Variants in SIPA1L3 observed in about 807,000 individuals in gnomAD.
The protein encoded by SIPA1L3 is signal induced proliferation associated 1 like 3, also known as signal-induced proliferation-associated 1-like protein 3.
In SIPA1L3, 59 loss-of-function variants were observed where a neutral mutation model predicts 150.1. The observed-to-expected ratio is 0.39, with a 90% CI of 0.32 to 0.49. The LOEUF is 0.49. SIPA1L3 is among the 20% of genes least tolerant of loss of function. SIPA1L3 has a pLI of 0.86. For synonymous variants in SIPA1L3, 1,070 were observed against 1,077.6 expected (o/e 0.99, Z 0.14); for missense variants, 2,211 against 2,489.5 (o/e 0.89, Z 2.38).
chr19:38,043,326 C>T (rs1355165224), intron 2 of SIPA1L3, among the ~76,000 whole-genome samples: 1 of 151,208 alleles, frequency 6.6e-6, no homozygotes. Flanking sequence ...GGCGACAGAG[C>T]GAGACTTCAT....
chr19:37,946,231 A>G (rs1402232956), intron 1 of SIPA1L3, among the ~76,000 whole-genome samples: 1 of 151,996 alleles, frequency 6.6e-6, no homozygotes, highest in East Asian at 1.9e-4. Context: ...GGTCCAGTAC[A>G]GGAGTTCTGG....
chr19:38,128,734 T>C (rs1437479114), intron 9 of SIPA1L3, among the ~76,000 whole-genome samples: 1 of 151,934 alleles, frequency 6.6e-6, no homozygotes, highest in East Asian at 1.9e-4. Context: ...CCATCTCTAC[T>C]AAAAGTACCA....
chr19:38,146,491 C>T (rs1971706074), intron 12 of SIPA1L3, among the ~76,000 whole-genome samples: 1 of 152,100 alleles, frequency 6.6e-6, no homozygotes, highest in Non-Finnish European at 1.5e-5. Flanking sequence ...CGAGTTTTGG[C>T]TATTATAAAT....
At chr19:38,175,114 A>G (rs1972409160) in intron 15 of SIPA1L3, among the ~76,000 whole-genome samples, 1 of 151,468 alleles carries the variant, frequency 6.6e-6, no homozygotes, top group African/African-American at 2.4e-5. Flanking sequence ...AAGTTATTTC[A>G]TCTCCCTGGG....
intron 1 of SIPA1L3, among the ~76,000 whole-genome samples, chr19:38,021,822 A>C (rs1327201798): frequency 6.6e-6 from 1 of 152,216 alleles, no homozygotes; most frequent in Non-Finnish European, 1.5e-5. Context: ...CTGGGATTAC[A>C]GGCGTGAGCC....
chr19:37,983,905 C>CG (rs760380222), intron 1 of SIPA1L3, among the ~76,000 whole-genome samples: 4 of 75,858 alleles, frequency 5.3e-5, no homozygotes, highest in African/African-American at 2.0e-4. Context: ...GACCCCATCT[C>CG]AAAAAAAAAA....
At chr19:37,981,349 A>G (rs772301251) in intron 1 of SIPA1L3, among the ~76,000 whole-genome samples, 9 of 151,340 alleles carry the variant, frequency 5.9e-5, no homozygotes, top group Admixed American at 2.0e-4. Flanking sequence ...ACTTGAACCC[A>G]GGAGGTCAAG....
At chr19:37,971,334 A>G (rs1302665109) in intron 1 of SIPA1L3, among the ~76,000 whole-genome samples, 3 of 151,904 alleles carry the variant, frequency 2.0e-5, no homozygotes, top group Non-Finnish European at 2.9e-5. Flanking sequence ...CAGGCTCTTT[A>G]ATCATCATAA....
At chr19:37,971,637 C>T (rs114693815) in intron 1 of SIPA1L3, among the ~76,000 whole-genome samples, 3,253 of 151,988 alleles carry the variant, frequency 0.021, 122 homozygotes, top group African/African-American at 0.074. Flanking sequence ...GCGATCTCGG[C>T]TCACTGCTAC....
intron 9 of SIPA1L3, among the ~76,000 whole-genome samples, chr19:38,127,631 C>T (rs904736017): frequency 6.6e-6 from 1 of 152,014 alleles, no homozygotes; most frequent in African/African-American, 2.4e-5. Context: ...GCTGGGACTG[C>T]AAGCGTATGC....
intron 16 of SIPA1L3, among the ~76,000 whole-genome samples, chr19:38,188,780 G>A (rs111420288): frequency 0.17 from 25,033 of 151,594 alleles, 2,427 homozygotes; most frequent in African/African-American, 0.27. Context: ...AAAATTAGCC[G>A]GGCGTGGTGG....
intron 1 of SIPA1L3, among the ~76,000 whole-genome samples, chr19:37,979,241 C>T (rs1010710699): frequency 5.3e-5 from 8 of 151,864 alleles, no homozygotes; most frequent in East Asian, 3.9e-4. Context: ...TTTCATGCCA[C>T]GTAAACCTAT....
At chr19:37,908,874 T>C (rs2046356867) in intron 1 of SIPA1L3, among the ~76,000 whole-genome samples, 1 of 152,180 alleles carries the variant, frequency 6.6e-6, no homozygotes, top group South Asian at 2.1e-4. Flanking sequence ...TGCTGCCAGC[T>C]TTTGCCTTTG....
At chr19:38,064,514 T>A (rs35486025) in intron 2 of SIPA1L3, among the ~76,000 whole-genome samples, 1 of 152,082 alleles carries the variant, frequency 6.6e-6, no homozygotes, top group African/African-American at 2.4e-5. Flanking sequence ...CTGGCCAACA[T>A]GGCAAAACCC....
intron 1 of SIPA1L3, among the ~76,000 whole-genome samples, chr19:37,992,635 A>G (rs974323216): frequency 7.2e-6 from 1 of 139,406 alleles, no homozygotes; most frequent in Non-Finnish European, 1.5e-5. Context: ...TGGGCAACAA[A>G]GTGACACTCT....
At chr19:38,033,115 G>A (rs1422403150) in intron 2 of SIPA1L3, among the ~76,000 whole-genome samples, 2 of 152,214 alleles carry the variant, frequency 1.3e-5, no homozygotes, top group Non-Finnish European at 2.9e-5. Flanking sequence ...TCTGTGAAAA[G>A]GAAATGTGTT....
chr19:38,124,977 C>T (rs1971137742), intron 9 of SIPA1L3, among the ~76,000 whole-genome samples: 1 of 40,814 alleles, frequency 2.5e-5, no homozygotes, highest in Non-Finnish European at 4.2e-5. Context: ...GGCTCGGGAT[C>T]AGAGGGAGAC....
chr19:37,986,244 C>T, intron 1 of SIPA1L3, among the ~76,000 whole-genome samples: 1 of 152,264 alleles, frequency 6.6e-6, no homozygotes, highest in Admixed American at 6.5e-5. Flanking sequence ...CTTCCATGTG[C>T]CTCACCTTAG....
intron 1 of SIPA1L3, among the ~76,000 whole-genome samples, chr19:37,993,902 TA>T (rs1967572582): frequency 6.6e-6 from 1 of 152,158 alleles, no homozygotes; most frequent in Non-Finnish European, 1.5e-5. Context: ...TTTATTTTAT[TA>T]TTTTTTTTTA....
Sources: allele counts gnomAD v4.1 joint callset (sites outside exome capture counted in the v4.1 genomes callset), GRCh38; gene constraint gnomAD v4.1.1; transcripts MANE v1.5; gene names NCBI Gene and HGNC (gene_info 2026-07-23, HGNC 2026-07-21).